Variants in MCOLN3 observed in about 807,000 individuals in gnomAD.
The protein encoded by MCOLN3 is mucolipin-3.
A neutral mutation model predicts 69.4 loss-of-function variants in MCOLN3; 62 were observed. That is an observed-to-expected ratio of 0.89 (90% CI 0.73 to 1.10). The LOEUF (loss-of-function observed/expected upper bound fraction) is 1.10, where lower values mean the gene tolerates loss of function less well. Among genes scored for constraint, MCOLN3 ranks in the 50% least tolerant of loss-of-function variants. The pLI is 0.00. For missense variants in MCOLN3, 564 were observed against 656.4 expected, an observed-to-expected ratio of 0.86 and a Z score of 1.54; for synonymous variants, 183 against 217.0, an observed-to-expected ratio of 0.84 and a Z score of 1.38.
chr1:85,032,910 T>G lies in MCOLN3; in HGVS notation c.597A>C (p.Pro199=). 6.2e-7 allele frequency: 1 copy of G among 1,614,148 alleles called. No homozygotes were observed. The highest frequency in any genetic ancestry group is 8.5e-7 in the Non-Finnish European group (1 of 1,180,040). ...EPDEPFHIGT[P]AENKLNLTLD... is the part of the protein sequence containing the mutation. ...GTGTTAAGTTCAGTTTATTTTCTGC[T>G]GGTGTCCCAATGTGAAAAGGTTCAT... The change falls in exon 5 of 13, where the codon CCA becomes CCC. Residue 199 remains proline (P), a synonymous_variant. Transcript: ENST00000370589.
At chr1:85,020,957 C>A in intron 12 of MCOLN3, 113 bp downstream of exon 12, 1 of 746,344 alleles carries the variant, frequency 1.3e-6, no homozygotes, top group South Asian at 2.2e-5. Flanking sequence ...TTTTCTCTAT[C>A]CTGAAGAAAT....
rs528938576 is a variant in MCOLN3, at chr1:85,048,147, C to T, written c.-3+249G>A. On this transcript the variant is annotated intron_variant, in intron 1 of 12. Transcript: ENST00000370589. ...CGAGGAGCAGAGCACCCCCACCCGC[C>T]CAGCCCCGGGCAGGCCCGGCAGGCG... Among the ~76,000 whole-genome samples, 5 of 152,086 alleles carry T rather than the reference C, an allele frequency of 3.3e-5. No individual in the cohort carries two copies. In the South Asian group the frequency reaches 6.2e-4, roughly 19 times the overall value.
intron 2 of MCOLN3, among the ~76,000 whole-genome samples, chr1:85,044,649 TTC>T (rs1451942864): frequency 2.6e-5 from 4 of 152,220 alleles, no homozygotes; most frequent in African/African-American, 9.6e-5. Context: ...GCCACTCCTC[TTC>T]TGTTAGTTAA....
chr1:85,027,741 T>C (rs1652295043), intron 7 of MCOLN3, among the ~76,000 whole-genome samples: 1 of 152,178 alleles, frequency 6.6e-6, no homozygotes, highest in South Asian at 2.1e-4. Flanking sequence ...CAGGGGGTTT[T>C]AGCTGAAACC....
At chr1:85,046,869 C>T (rs889528312) in intron 1 of MCOLN3, among the ~76,000 whole-genome samples, 61 of 152,178 alleles carry the variant, frequency 4.0e-4, no homozygotes, top group African/African-American at 1.4e-3. Context: ...AAGTGTGGCT[C>T]CTGTGTGCGT....
At chr1:85,021,376 C>A (rs1651932684) in intron 11 of MCOLN3, 100 bp from the exon 12 acceptor site, 2 of 933,048 alleles carry the variant, frequency 2.1e-6, no homozygotes, top group Non-Finnish European at 3.2e-6. Flanking sequence ...ACCAGATAAC[C>A]CAAGCTACCA....
At chr1:85,021,375 C>A (rs1250034371) in intron 11 of MCOLN3, 99 bp from the exon 12 acceptor site, 2 of 938,356 alleles carry the variant, frequency 2.1e-6, no homozygotes, top group Non-Finnish European at 3.2e-6. Context: ...GACCAGATAA[C>A]CCAAGCTACC....
chr1:85,037,558 C>T (rs1258255193), intron 3 of MCOLN3, among the ~76,000 whole-genome samples: 1 of 152,236 alleles, frequency 6.6e-6, no homozygotes, highest in Non-Finnish European at 1.5e-5. Context: ...TACCTACATA[C>T]ACCACATAGT....
Position 85,045,363 on chromosome 1 carries a change from CTA to C in MCOLN3, c.-2-3_-2-2del. On this transcript the variant is annotated splice_acceptor_variant and splice_polypyrimidine_tract_variant and intron_variant, in intron 1 of 12. Transcript: ENST00000370589. LOFTEE classifies it low-confidence loss of function (5UTR_SPLICE). ...ACAACTACCTCAGGATCTGCCATCTCTAGAGGAAAAAAACAACAACAACAACA... is the reference window on the plus strand; with the variant it reads ...ACAACTACCTCAGGATCTGCCATCTCGAGGAAAAAAACAACAACAACAACA... 6.2e-7 allele frequency: 1 copy of C among 1,602,794 alleles called. No individual in the cohort carries two copies. Among genetic ancestry groups the C allele is most frequent in the Non-Finnish European group, 8.5e-7 (1 of 1,175,280 alleles).
intron 9 of MCOLN3, chr1:85,022,700 G>C (rs1652007109): frequency 4.7e-6 from 1 of 212,610 alleles, no homozygotes; most frequent in African/African-American, 2.4e-5. Flanking sequence ...GAAGGCATTT[G>C]AGCAAAGATC....
At chr1:85,048,373 G>T (rs995759008) in intron 1 of MCOLN3, 23 bp downstream of exon 1, 1 of 151,802 alleles carries the variant, frequency 6.6e-6, no homozygotes, top group Non-Finnish European at 1.5e-5. Flanking sequence ...CCGACGCCCC[G>T]GGGCAGCGCC....
intron 6 of MCOLN3, among the ~76,000 whole-genome samples, chr1:85,031,944 C>T (rs905815098): frequency 6.6e-6 from 1 of 151,830 alleles, no homozygotes; most frequent in African/African-American, 2.4e-5. Flanking sequence ...GGCATGGTGG[C>T]GGACGCCTGT....
chr1:85,043,465 G>A (rs1435731014), intron 2 of MCOLN3, among the ~76,000 whole-genome samples: 1 of 151,950 alleles, frequency 6.6e-6, no homozygotes, highest in Non-Finnish European at 1.5e-5. Context: ...GGGAGGCGGA[G>A]GTTGCAGTGA....
At chr1:85,031,151 G>A (rs180838742) in intron 6 of MCOLN3, among the ~76,000 whole-genome samples, 93 of 151,810 alleles carry the variant, frequency 6.1e-4, no homozygotes, top group African/African-American at 2.0e-3. Flanking sequence ...TGTGCCTGTA[G>A]TCCCAGCTAC....
chr1:85,027,232 A>G (rs1426909440), intron 7 of MCOLN3, among the ~76,000 whole-genome samples: 1 of 152,230 alleles, frequency 6.6e-6, no homozygotes, highest in Non-Finnish European at 1.5e-5. Flanking sequence ...CACATAACAA[A>G]ATACTTTCAG....
Position 85,045,149 on chromosome 1 carries a change from G to C in MCOLN3, c.212C>G (p.Ala71Gly), listed in dbSNP as rs760666605. Residue 71 changes from alanine to glycine, a missense_variant, in exon 2 of 13, where the codon GCA becomes GGA. By Grantham distance (60) the Ala-to-Gly change is moderately conservative. Coordinates refer to ENST00000370589, the MANE Select transcript of MCOLN3 (RefSeq NM_018298.11). ...WKLAIQILKIAMVTIQLVLFG... is the reference protein window; with the variant it reads ...WKLAIQILKIGMVTIQLVLFG... ...GATGCTTACCTGGATAGTCACCATT[G>C]CAATTTTTAGAATTTGTATGGCAAG... 1.2e-6 allele frequency: 2 copies of C among 1,613,276 alleles called. No individual in the cohort carries two copies. Among genetic ancestry groups the C allele is most frequent in the African/African-American group, 2.7e-5 (2 of 74,858 alleles).
At chr1:85,034,026 G>A in intron 4 of MCOLN3, 72 bp downstream of exon 4, 1 of 1,486,000 alleles carries the variant, frequency 6.7e-7, no homozygotes, top group East Asian at 2.3e-5. Context: ...TGTTTTCAAA[G>A]ATGAAATTAC....
chr1:85,030,470 C>T (rs1652454283), intron 6 of MCOLN3, among the ~76,000 whole-genome samples: 1 of 152,172 alleles, frequency 6.6e-6, no homozygotes, highest in African/African-American at 2.4e-5. Flanking sequence ...ACAAACAGAT[C>T]ATTACTGAAC....
At chr1:85,037,083 A>G (rs1652837599) in intron 3 of MCOLN3, among the ~76,000 whole-genome samples, 1 of 152,192 alleles carries the variant, frequency 6.6e-6, no homozygotes, top group Non-Finnish European at 1.5e-5. Flanking sequence ...GTGCACAGTG[A>G]GTTGGTAAAC....
Sources: allele counts gnomAD v4.1 joint callset (sites outside exome capture counted in the v4.1 genomes callset), GRCh38; gene constraint gnomAD v4.1.1; transcripts MANE v1.5; gene names NCBI Gene and HGNC (gene_info 2026-07-23, HGNC 2026-07-21).